The following STAC variants were observed in gnomAD, a reference collection of about 807,000 sequenced individuals.
STAC encodes SH3 and cysteine rich domain, also known as SH3 and cysteine-rich domain-containing protein.
A neutral mutation model predicts 48.8 loss-of-function variants in STAC; 43 were observed. The observed-to-expected ratio is 0.88, with a 90% CI of 0.69 to 1.14. The LOEUF (loss-of-function observed/expected upper bound fraction) is 1.14. Ranked by LOEUF, STAC falls within the 50% of genes most tolerant of loss-of-function variation. The pLI is 0.00. For synonymous variants in STAC, 193 were observed against 179.5 expected (o/e 1.07, Z -0.60); for missense variants, 497 against 504.0 (o/e 0.99, Z 0.13).
At position 36,398,324 on chromosome 3, in the gene STAC, A is replaced by AAAGC. The variant is rs1553631456; in HGVS notation, c.111+17573_111+17574insCAAG. Among the ~76,000 whole-genome samples, 902 of 95,686 alleles carry AAAGC rather than the reference A, an allele frequency of 9.4e-3. 6 individuals are homozygous for AAAGC. Among genetic ancestry groups the AAAGC allele is most frequent in the Non-Finnish European group, 0.014 (636 of 43,866 alleles). 62.8% of individuals were successfully genotyped at this position (95,686 alleles called of 152,430 possible). ...GAAAGAAAGAAAGAAAGAAAGCAAG[A>AAAGC]AAGAAAGAAAGAAAGAAAGAAAGAA... On this transcript the variant is annotated intron_variant, in intron 1 of 10. Transcript: ENST00000273183.
chr3:36,511,814 C>T (rs1236435529), intron 8 of STAC, among the ~76,000 whole-genome samples: 1 of 152,200 alleles, frequency 6.6e-6, no homozygotes, highest in African/African-American at 2.4e-5. Context: ...TCCTCTTTCA[C>T]CTACCCAAAC....
chr3:36,487,862 G>A (rs1191015266), intron 5 of STAC, among the ~76,000 whole-genome samples: 1 of 152,134 alleles, frequency 6.6e-6, no homozygotes, highest in Non-Finnish European at 1.5e-5. Context: ...GACCTCCTTA[G>A]GGAGGAGATC....
At chr3:36,413,694 T>G (rs937214207) in intron 1 of STAC, among the ~76,000 whole-genome samples, 1 of 152,228 alleles carries the variant, frequency 6.6e-6, no homozygotes, top group Non-Finnish European at 1.5e-5. Flanking sequence ...AATATTGTTA[T>G]GTGTGAATTT....
chr3:36,460,455 T>A (rs1429655315), intron 2 of STAC, among the ~76,000 whole-genome samples: 2 of 152,020 alleles, frequency 1.3e-5, no homozygotes, highest in South Asian at 2.1e-4. Context: ...CACAAAAAAA[T>A]TTATTATATG....
chr3:36,477,232 G>A (rs73827523), intron 2 of STAC, among the ~76,000 whole-genome samples: 4,718 of 152,026 alleles, frequency 0.031, 218 homozygotes, highest in African/African-American at 0.11. Context: ...TTTAACTGTT[G>A]TTCATTGTTG....
At chr3:36,466,154 T>A (rs887371931) in intron 2 of STAC, among the ~76,000 whole-genome samples, 2 of 152,190 alleles carry the variant, frequency 1.3e-5, no homozygotes, top group Admixed American at 1.3e-4. Flanking sequence ...TTGAATAGGA[T>A]GTCTTTTCTC....
Position 36,380,661 on chromosome 3 carries a change from C to T in STAC, c.18C>T (p.Ser6=). 1 of 1,598,010 alleles carries T rather than the reference C, an allele frequency of 6.3e-7. No homozygotes were observed. Residue 6 remains serine, a synonymous_variant, in exon 1 of 11, where the codon AGC becomes AGT. Transcript: ENST00000273183. The part of the protein sequence containing the change: MIPPS[S]PREDGVDGLP... Reference sequence around the variant, plus strand: ...CGGCCACGATGATCCCTCCGAGCAGCCCCCGCGAGGACGGCGTGGACGGGC... The same window carrying T: ...CGGCCACGATGATCCCTCCGAGCAGTCCCCGCGAGGACGGCGTGGACGGGC...
rs991530114 is a variant in STAC, at chr3:36,443,715, A to G, written c.388+75A>G. ...AGTGAGAGTGGTGTGCCACGGGTCC[A>G]GGTACCTACGGACAGATGCTAGGCC... On this transcript the variant is annotated intron_variant, in intron 2 of 10. Transcript: ENST00000273183. This position sits in a 1 kb window ranked among gnomAD's most constrained non-coding sequence, Gnocchi z 4.2. 2 of 1,558,908 alleles carry G rather than the reference A, an allele frequency of 1.3e-6. No homozygotes were observed. Among genetic ancestry groups the G allele is most frequent in the Non-Finnish European group, 1.7e-6 (2 of 1,151,212 alleles).
At chr3:36,390,451 C>CTTTTTTTTTTTTTTTTTTTTTT (rs59589769) in intron 1 of STAC, among the ~76,000 whole-genome samples, 23 of 80,840 alleles carry the variant, frequency 2.8e-4, no homozygotes, top group South Asian at 5.1e-4. Flanking sequence ...TTTTTCTTTT[C>CTTTTTTTTTTTTTTTTTTTTTT]TTTTTTTTTT....
intron 2 of STAC, among the ~76,000 whole-genome samples, chr3:36,462,856 T>A (rs1697057740): frequency 6.6e-6 from 1 of 152,182 alleles, no homozygotes; most frequent in South Asian, 2.1e-4. Flanking sequence ...TATTCCTTAT[T>A]ATAATAGGGA....
intron 8 of STAC, among the ~76,000 whole-genome samples, chr3:36,517,872 CACAT>C (rs368511521): frequency 6.6e-6 from 1 of 152,204 alleles, no homozygotes; most frequent in African/African-American, 2.4e-5. Flanking sequence ...CACACACACA[CACAT>C]ACATGCACAT....
intron 2 of STAC, among the ~76,000 whole-genome samples, chr3:36,474,496 C>T (rs987388958): frequency 1.3e-5 from 2 of 152,268 alleles, no homozygotes; most frequent in South Asian, 2.1e-4. Context: ...GATCTCTCAG[C>T]GTGCAGATGG....
At chr3:36,521,438 C>T (rs1211913386) in intron 8 of STAC, among the ~76,000 whole-genome samples, 1 of 152,096 alleles carries the variant, frequency 6.6e-6, no homozygotes, top group Admixed American at 6.5e-5. Context: ...GCCCTCTAGG[C>T]TCAACCCTGC....
chr3:36,486,578 C>T (rs1697822800), intron 5 of STAC, among the ~76,000 whole-genome samples: 1 of 152,206 alleles, frequency 6.6e-6, no homozygotes, highest in African/African-American at 2.4e-5. Context: ...TTGGCTCAAA[C>T]AATGGTCAGG....
intron 8 of STAC, among the ~76,000 whole-genome samples, chr3:36,522,747 A>G (rs377097426): frequency 1.6e-3 from 250 of 152,220 alleles, no homozygotes; most frequent in African/African-American, 5.7e-3. Context: ...AGTAGAGAAA[A>G]TGTTTCTCTC....
chr3:36,425,367 G>C (rs73061986), intron 1 of STAC, among the ~76,000 whole-genome samples: 3,535 of 152,162 alleles, frequency 0.023, 61 homozygotes, highest in East Asian at 0.026. Flanking sequence ...AGATAATCTA[G>C]AAAATAACTG....
intron 1 of STAC, among the ~76,000 whole-genome samples, chr3:36,427,014 T>G (rs1047411874): frequency 6.6e-6 from 1 of 152,224 alleles, no homozygotes; most frequent in African/African-American, 2.4e-5. Context: ...GCCTCCTTCT[T>G]GCCTCATCCA....
chr3:36,444,118 G>GT (rs1042617116), intron 2 of STAC, among the ~76,000 whole-genome samples: 14 of 152,336 alleles, frequency 9.2e-5, no homozygotes, highest in Middle Eastern at 3.4e-3. Context: ...CAGTTAAGGG[G>GT]TAGGATATTC....
rs182554874 is a variant in STAC at position 36,381,360 on chromosome 3, C to A, written c.111+606C>A. On this transcript the variant is annotated intron_variant, in intron 1 of 10. Coordinates refer to ENST00000273183, the MANE Select transcript of STAC (RefSeq NM_003149.3). ...GTTACACTAACACGTATACAAAAAA[C>A]CAAGCCCGCAGCAGTTCTCCTGTCA... Among the ~76,000 whole-genome samples the A allele has an allele frequency of 1.0e-3, 158 of 152,348 alleles. 1 individual carries two copies. The highest frequency in any genetic ancestry group is 9.0e-3 in the Admixed American group (137 of 15,302).
Sources: gnomAD v4.1 joint callset for allele counts (sites outside exome capture counted in the v4.1 genomes callset) on GRCh38, gnomAD v4.1.1 for gene constraint, Gnocchi (gnomAD v3.1) non-coding constraint, MANE v1.5 for transcripts, NCBI Gene and HGNC (gene_info 2026-07-23, HGNC 2026-07-21) for gene names.